SBF2: variants seen among roughly 807,000 people sequenced by gnomAD.
The protein encoded by SBF2 is SET binding factor 2.
In SBF2, 112 loss-of-function variants were observed where a neutral mutation model predicts 225.2. That is an observed-to-expected ratio of 0.50 (90% CI 0.43 to 0.58). The LOEUF (loss-of-function observed/expected upper bound fraction) is 0.58, where lower values mean the gene tolerates loss of function less well. Ranked by LOEUF, SBF2 falls within the 20% of genes least tolerant of loss-of-function variation. The pLI, the probability that SBF2 is intolerant of heterozygous loss-of-function variation, is 0.00. For synonymous variants in SBF2, 763 were observed against 773.3 expected, an observed-to-expected ratio of 0.99 and a Z score of 0.22; for missense variants, 1,996 against 2,206.2, an observed-to-expected ratio of 0.90 and a Z score of 1.91.
At chr11:9,838,654 G>C (rs1855891234) in intron 26 of SBF2, 1 of 152,004 alleles carries the variant, frequency 6.6e-6, no homozygotes, top group Non-Finnish European at 1.5e-5. Context: ...AGAGCAACAG[G>C]GTTGAAAGTA....
At chr11:10,182,350 T>C (rs564477704) in intron 2 of SBF2, among the ~76,000 whole-genome samples, 1 of 152,304 alleles carries the variant, frequency 6.6e-6, no homozygotes, top group South Asian at 2.1e-4. Flanking sequence ...TTGTCCTTTA[T>C]AAGCAAATTA....
chr11:10,284,877 C>A (rs1180457456), intron 1 of SBF2, among the ~76,000 whole-genome samples: 2 of 151,842 alleles, frequency 1.3e-5, no homozygotes, highest in Admixed American at 1.3e-4. Context: ...CCCACCTCAG[C>A]CTCCCAATTA....
At chr11:10,233,662 A>T (rs1958949774) in intron 1 of SBF2, among the ~76,000 whole-genome samples, 2 of 151,812 alleles carry the variant, frequency 1.3e-5, no homozygotes, top group African/African-American at 2.4e-5. Context: ...GATATGAGCC[A>T]CTCAGATCTC....
chr11:9,897,444 C>T (rs1861358100), intron 16 of SBF2, among the ~76,000 whole-genome samples: 1 of 152,028 alleles, frequency 6.6e-6, no homozygotes, highest in African/African-American at 2.4e-5. Flanking sequence ...AACTCCTGAC[C>T]TCAAGTGATC....
chr11:10,293,564 ACTTC>A (rs1964306846), intron 1 of SBF2, among the ~76,000 whole-genome samples: 2 of 152,176 alleles, frequency 1.3e-5, no homozygotes, highest in Non-Finnish European at 2.9e-5. Flanking sequence ...GACTCTCAGC[ACTTC>A]CTTTCGGAGA....
intron 1 of SBF2, among the ~76,000 whole-genome samples, chr11:10,290,530 A>C (rs10770106): frequency 0.066 from 10,027 of 151,856 alleles, 453 homozygotes; most frequent in East Asian, 0.24. Flanking sequence ...TCTTAGATCC[A>C]GACTGGGGTA....
chr11:9,922,031 A>G (rs1863671971), intron 16 of SBF2, among the ~76,000 whole-genome samples: 1 of 152,144 alleles, frequency 6.6e-6, no homozygotes, highest in Non-Finnish European at 1.5e-5. Context: ...GGACTGCTTG[A>G]GCCCAGGCGT....
At chr11:10,108,378 T>G (rs1952652560) in intron 2 of SBF2, among the ~76,000 whole-genome samples, 2 of 152,154 alleles carry the variant, frequency 1.3e-5, no homozygotes, top group Admixed American at 1.3e-4. Flanking sequence ...AATGGCTCAA[T>G]GAAGCACTAA....
At chr11:10,005,055 G>C (rs1948136129) in intron 6 of SBF2, among the ~76,000 whole-genome samples, 3 of 152,176 alleles carry the variant, frequency 2.0e-5, no homozygotes, top group Admixed American at 2.0e-4. Context: ...ATGGTCAGGT[G>C]ATTATTAAAC....
At chr11:10,256,573 T>C (rs916093033) in intron 1 of SBF2, among the ~76,000 whole-genome samples, 9 of 152,344 alleles carry the variant, frequency 5.9e-5, no homozygotes, top group Middle Eastern at 3.4e-3. Context: ...TAGTCAGAAA[T>C]GAGCTATGGT....
chr11:9,943,212 C>T (rs1318018401), intron 16 of SBF2, among the ~76,000 whole-genome samples: 5 of 152,112 alleles, frequency 3.3e-5, no homozygotes, highest in African/African-American at 1.2e-4. Flanking sequence ...CTCTACCTCA[C>T]ACAATTCACA....
At chr11:10,296,319 A>T (rs1298109604), upstream of SBF2, among the ~76,000 whole-genome samples, 2 of 152,216 alleles carry the variant, frequency 1.3e-5, no homozygotes, top group Admixed American at 1.3e-4. Context: ...ATAAAGACAT[A>T]CCCGAGACTA....
intron 18 of SBF2, among the ~76,000 whole-genome samples, chr11:9,857,681 C>T (rs1465200897): frequency 6.6e-6 from 1 of 152,154 alleles, no homozygotes; most frequent in African/African-American, 2.4e-5. Context: ...ATGTTTTAAA[C>T]TTTCAGAGTA....
chr11:10,245,728 A>G (rs1959719486), intron 1 of SBF2, among the ~76,000 whole-genome samples: 1 of 152,238 alleles, frequency 6.6e-6, no homozygotes, highest in Non-Finnish European at 1.5e-5. Flanking sequence ...ACAATACTCA[A>G]GACATGGAAA....
intron 2 of SBF2, among the ~76,000 whole-genome samples, chr11:10,152,353 C>G (rs1045532957): frequency 6.9e-6 from 1 of 145,382 alleles, no homozygotes; most frequent in Non-Finnish European, 1.5e-5. Flanking sequence ...GAGTTCGAGA[C>G]CAGCCTGACC....
At chr11:9,787,489 C>A in intron 36 of SBF2, 145 bp downstream of exon 36, 1 of 712,518 alleles carries the variant, frequency 1.4e-6, no homozygotes, top group East Asian at 2.7e-5. Flanking sequence ...CTGCCCTGGA[C>A]CTCCAGGACA....
intron 1 of SBF2, among the ~76,000 whole-genome samples, chr11:10,228,951 C>A (rs923078610): frequency 1.4e-5 from 2 of 147,506 alleles, no homozygotes; most frequent in African/African-American, 5.0e-5. Context: ...TGGTCCTGGA[C>A]TTTTTTTTTT....
chr11:10,259,414 C>T (rs1961211682), intron 1 of SBF2, among the ~76,000 whole-genome samples: 3 of 152,214 alleles, frequency 2.0e-5, no homozygotes, highest in African/African-American at 7.2e-5. Context: ...GCTATTATTA[C>T]TACTAATTTG....
intron 6 of SBF2, among the ~76,000 whole-genome samples, chr11:10,004,725 T>G (rs531251452): frequency 6.6e-6 from 1 of 152,214 alleles, no homozygotes; most frequent in Non-Finnish European, 1.5e-5. Context: ...TTTCTTCCTC[T>G]GCCCTATTGT....
Sources: gnomAD v4.1 joint callset for allele counts (sites outside exome capture counted in the v4.1 genomes callset) on GRCh38, gnomAD v4.1.1 for gene constraint, MANE v1.5 for transcripts, NCBI Gene and HGNC (gene_info 2026-07-23, HGNC 2026-07-21) for gene names.